The following FGGY variants were observed in gnomAD, a reference collection of about 807,000 sequenced individuals.
FGGY encodes FGGY carbohydrate kinase domain containing.
Under a neutral mutation model 71.3 loss-of-function variants are expected in FGGY, and 72 were observed. That is an observed-to-expected ratio of 1.01 (90% CI 0.84 to 1.23). The LOEUF is 1.23. FGGY is among the 50% of genes most tolerant of loss of function. The probability of loss-of-function intolerance (pLI) is 0.00; values close to 1 mark genes in which losing one functional copy is unlikely to be tolerated. For missense variants in FGGY, 668 were observed against 682.3 expected (o/e 0.98, Z 0.23); for synonymous variants, 251 against 250.3 (o/e 1.00, Z -0.02).
Position 59,346,333 on chromosome 1 carries a change from C to A in FGGY, c.400C>A (p.Leu134Ile). Reference sequence around the variant, plus strand: ...GATCAATGAGACCAAGCACAGTGTCCTCCAGTACGTCGGGGGGGTGATGTC... The same window carrying A: ...GATCAATGAGACCAAGCACAGTGTCATCCAGTACGTCGGGGGGGTGATGTC... ...NRINETKHSVLQYVGGVMSVE... is the reference protein window; with the variant it reads ...NRINETKHSVIQYVGGVMSVE... The change falls in exon 4 of 16, where the codon CTC becomes ATC. Residue 134 changes from leucine (L) to isoleucine (I), a missense_variant. Physicochemically the swap from Leu to Ile is conservative, Grantham distance 5 (BLOSUM62 2). Coordinates refer to ENST00000303721, the MANE Select transcript of FGGY (RefSeq NM_018291.5). 1 of 1,612,166 alleles carries A rather than the reference C, an allele frequency of 6.2e-7. No homozygotes were observed. Among genetic ancestry groups the A allele is most frequent in the Non-Finnish European group, 8.5e-7 (1 of 1,179,702 alleles).
intron 8 of FGGY, among the ~76,000 whole-genome samples, chr1:59,591,464 AAG>A (rs2096435104): frequency 6.6e-6 from 1 of 151,926 alleles, no homozygotes; most frequent in African/African-American, 2.4e-5. Context: ...GGAACCAAAA[AAG>A]AGCCCGCATC....
At chr1:59,300,677 A>G (rs1172335370) in intron 1 of FGGY, among the ~76,000 whole-genome samples, 2 of 147,380 alleles carry the variant, frequency 1.4e-5, no homozygotes, top group South Asian at 2.2e-4. Context: ...GACATGAAAT[A>G]TGGAATCAAG....
chr1:59,561,315 A>C (rs897549675), intron 8 of FGGY, among the ~76,000 whole-genome samples: 2 of 152,124 alleles, frequency 1.3e-5, no homozygotes, highest in Non-Finnish European at 2.9e-5. Context: ...CCCTCTAGGA[A>C]CCAGCATTCT....
chr1:59,726,624 G>A (rs1406399836), intron 14 of FGGY, among the ~76,000 whole-genome samples: 2 of 152,082 alleles, frequency 1.3e-5, no homozygotes, highest in African/African-American at 4.8e-5. Flanking sequence ...GCTCTATTCA[G>A]ATGATTTATT....
intron 12 of FGGY, among the ~76,000 whole-genome samples, chr1:59,662,334 AAG>A (rs539001843): frequency 0.036 from 5,446 of 150,374 alleles, 215 homozygotes; most frequent in African/African-American, 0.098. Context: ...AAAAAAAAAA[AAG>A]AGAGAGATTT....
intron 9 of FGGY, among the ~76,000 whole-genome samples, chr1:59,620,933 A>G (rs1281217061): frequency 1.3e-5 from 2 of 152,082 alleles, no homozygotes; most frequent in Non-Finnish European, 2.9e-5. Flanking sequence ...GACTACCATA[A>G]CAAAATACCA....
chr1:59,683,911 T>TA (rs2097525009), intron 14 of FGGY, among the ~76,000 whole-genome samples: 1 of 152,226 alleles, frequency 6.6e-6, no homozygotes, highest in Admixed American at 6.5e-5. Flanking sequence ...ATGCACCTTT[T>TA]ACTCAGGTCC....
At chr1:59,606,004 A>G (rs1484560914) in intron 8 of FGGY, among the ~76,000 whole-genome samples, 3 of 152,192 alleles carry the variant, frequency 2.0e-5, no homozygotes, top group African/African-American at 7.2e-5. Context: ...TGACTTCAGC[A>G]TTCCTTACTG....
At chr1:59,413,642 A>G (rs1557846375) in intron 5 of FGGY, among the ~76,000 whole-genome samples, 1 of 151,966 alleles carries the variant, frequency 6.6e-6, no homozygotes, top group African/African-American at 2.4e-5. Context: ...TCATTTAGGT[A>G]CCAAACATAA....
chr1:59,326,959 C>T (rs1307806423), intron 2 of FGGY, among the ~76,000 whole-genome samples: 4 of 152,166 alleles, frequency 2.6e-5, no homozygotes, highest in African/African-American at 9.7e-5. Flanking sequence ...AAGTATATAA[C>T]TTAATTTTTA....
chr1:59,655,378 T>C lies in FGGY; in HGVS notation c.1222-4841T>C, dbSNP rs77342655. Among the ~76,000 whole-genome samples the C allele has an allele frequency of 3.5e-3, 534 of 152,138 alleles. 4 individuals carry two copies. Among genetic ancestry groups the C allele is most frequent in the African/African-American group, 0.012 (510 of 41,484 alleles). ...TGCACCTATCAACCCGTCATCTAGG[T>C]TTTCAGCCCCACATACATTAGGTAT... On this transcript the variant is annotated intron_variant, in intron 11 of 15. Coordinates refer to ENST00000303721, the MANE Select transcript of FGGY (RefSeq NM_018291.5).
At chr1:59,328,856 T>A (rs2047914333) in intron 2 of FGGY, among the ~76,000 whole-genome samples, 1 of 152,092 alleles carries the variant, frequency 6.6e-6, no homozygotes, top group African/African-American at 2.4e-5. Context: ...TGTGGAGCAG[T>A]GAGAACACAC....
At chr1:59,561,829 G>T (rs1438488739) in intron 8 of FGGY, among the ~76,000 whole-genome samples, 1 of 152,172 alleles carries the variant, frequency 6.6e-6, no homozygotes, top group Non-Finnish European at 1.5e-5. Flanking sequence ...CAGCTGTATA[G>T]CTTCCCTCAA....
intron 11 of FGGY, among the ~76,000 whole-genome samples, chr1:59,656,669 G>A (rs543174941): frequency 4.8e-4 from 73 of 152,302 alleles, no homozygotes; most frequent in African/African-American, 1.8e-3. Context: ...GGGAATACTG[G>A]AAACGGTTGT....
chr1:59,374,437 C>T (rs575260245), intron 4 of FGGY, among the ~76,000 whole-genome samples: 422 of 152,292 alleles, frequency 2.8e-3, no homozygotes, highest in South Asian at 6.2e-3. Context: ...GAAATAGGAA[C>T]ACTTTTACAC....
chr1:59,379,882 G>A (rs1487737720), intron 5 of FGGY, among the ~76,000 whole-genome samples: 1 of 151,738 alleles, frequency 6.6e-6, no homozygotes, highest in Non-Finnish European at 1.5e-5. Context: ...CATGTGCCAT[G>A]TTGGTGTGCT....
At chr1:59,714,080 G>A (rs2097823311) in intron 14 of FGGY, among the ~76,000 whole-genome samples, 1 of 152,128 alleles carries the variant, frequency 6.6e-6, no homozygotes, top group Non-Finnish European at 1.5e-5. Flanking sequence ...ATATATCCAG[G>A]ACAGACCTAG....
At chr1:59,562,789 C>G (rs1360932276) in intron 8 of FGGY, among the ~76,000 whole-genome samples, 3 of 152,160 alleles carry the variant, frequency 2.0e-5, no homozygotes, top group Non-Finnish European at 2.9e-5. Flanking sequence ...AAAAGGGGCA[C>G]AAGGAAAGAT....
chr1:59,650,390 A>T (rs1483534408), intron 11 of FGGY, among the ~76,000 whole-genome samples: 4 of 122,182 alleles, frequency 3.3e-5, no homozygotes, highest in Admixed American at 8.3e-5. Flanking sequence ...TGGACTTTTT[A>T]TGGTTGGTAA....
Sources: allele counts gnomAD v4.1 joint callset (sites outside exome capture counted in the v4.1 genomes callset), GRCh38; gene constraint gnomAD v4.1.1; transcripts MANE v1.5; gene names NCBI Gene and HGNC (gene_info 2026-07-23, HGNC 2026-07-21).